The following GATA4 variants were observed in gnomAD, a reference collection of about 807,000 sequenced individuals.
GATA4 encodes the protein transcription factor GATA-4.
GATA4 carries 7 observed loss-of-function variants against 37.9 expected under a neutral mutation model. That is an observed-to-expected ratio of 0.18 (90% CI 0.11 to 0.35). The LOEUF (loss-of-function observed/expected upper bound fraction) is 0.35, where lower values mean the gene tolerates loss of function less well. Ranked by LOEUF, GATA4 falls within the 10% of genes least tolerant of loss-of-function variation. The pLI is 1.00. For missense variants in GATA4, 647 were observed against 653.0 expected, an observed-to-expected ratio of 0.99 and a Z score of 0.10; for synonymous variants, 372 against 292.6, an observed-to-expected ratio of 1.27 and a Z score of -2.77.
intron 4 of GATA4, among the ~76,000 whole-genome samples, chr8:11,753,525 G>A (rs1268578815): frequency 1.3e-5 from 2 of 151,356 alleles, no homozygotes; most frequent in East Asian, 1.9e-4. Context: ...TAAGTGAATG[G>A]AGATTAACGT....
upstream of GATA4, chr8:11,692,420 A>G: frequency 1.3e-6 from 1 of 759,210 alleles, no homozygotes; most frequent in Non-Finnish European, 1.6e-6. Flanking sequence ...TTCTCTACCT[A>G]TCTTATCTAT....
chr8:11,729,689 T>G (rs935054949), intron 2 of GATA4, among the ~76,000 whole-genome samples: 1 of 152,208 alleles, frequency 6.6e-6, no homozygotes, highest in Non-Finnish European at 1.5e-5. Flanking sequence ...AAGTGAATCA[T>G]TCCAGCTTGA....
chr8:11,708,727 G>T lies in GATA4; in HGVS notation c.415G>T (p.Ala139Ser). 1 of 1,269,816 alleles carries T rather than the reference G, an allele frequency of 7.9e-7. No homozygotes were observed. Among genetic ancestry groups the T allele is most frequent in the Non-Finnish European group, 9.9e-7 (1 of 1,014,664 alleles). The allele number at this position is 1,269,816 out of a possible 1,614,324, so 78.7% of individuals were successfully genotyped here. A position where few individuals can be genotyped will look rare whatever the true frequency, so the allele number is the denominator to read the frequency against. ...GGCCTACAGCAGTGGCGGCGGAGCG[G>T]CGGGTGCGGGCCTGGCGGGCCGCGA... ...AAAYSSGGGA[A>S]GAGLAGREQY... is the part of the protein sequence containing the mutation. Residue 139 changes from alanine (A) to serine (S), a missense_variant, in exon 2 of 7, where the codon GCG becomes TCG. Coordinates refer to ENST00000532059, the MANE Select transcript of GATA4 (RefSeq NM_001308093.3). This position sits in a 1 kb window ranked among gnomAD's most constrained non-coding sequence, Gnocchi z 6.7.
At chr8:11,726,512 CA>C (rs1800931287) in intron 2 of GATA4, among the ~76,000 whole-genome samples, 1 of 152,270 alleles carries the variant, frequency 6.6e-6, no homozygotes, top group South Asian at 2.1e-4. Context: ...GTCCCAGGGA[CA>C]GGGGGACAGG....
At chr8:11,681,811 C>T (rs957456487) in intron 1 of GATA4, among the ~76,000 whole-genome samples, 54 of 152,136 alleles carry the variant, frequency 3.5e-4, no homozygotes, top group African/African-American at 1.2e-3. Flanking sequence ...TCTTCTTTCC[C>T]GCTGTTCTTG....
intron 2 of GATA4, among the ~76,000 whole-genome samples, chr8:11,743,362 A>T (rs992808740): frequency 2.6e-5 from 4 of 152,358 alleles, no homozygotes; most frequent in African/African-American, 7.2e-5. Context: ...AGGGGCTGAG[A>T]CCCATCAACT....
At chr8:11,753,062 C>A (rs1585694010) in intron 4 of GATA4, among the ~76,000 whole-genome samples, 1 of 152,074 alleles carries the variant, frequency 6.6e-6, no homozygotes, top group Non-Finnish European at 1.5e-5. Context: ...TGGATATATA[C>A]CCAAAATAAT....
chr8:11,739,979 G>C (rs898036600), intron 2 of GATA4, among the ~76,000 whole-genome samples: 1 of 152,238 alleles, frequency 6.6e-6, no homozygotes, highest in Non-Finnish European at 1.5e-5. Context: ...TGTGCAGAGA[G>C]AGCCGACTCA....
At position 11,740,015 on chromosome 8, in the gene GATA4, G is replaced by A. The variant is rs1437708023; in HGVS notation, c.617-8901G>A. On this transcript the variant is annotated intron_variant, in intron 2 of 6. Transcript: ENST00000532059. Reference sequence around the variant, plus strand: ...ACAAGGCAGTGGACAGGGAAGCAGCGGCGGGGGCACCCTTCGCATGCAGTC... The same window carrying A: ...ACAAGGCAGTGGACAGGGAAGCAGCAGCGGGGGCACCCTTCGCATGCAGTC... 5.9e-5 allele frequency among the ~76,000 whole-genome samples: 9 copies of A among 152,190 alleles called. No individual in the cohort carries two copies. In the South Asian group the frequency reaches 8.3e-4, roughly 14 times the overall value.
intron 2 of GATA4, among the ~76,000 whole-genome samples, chr8:11,737,277 A>G (rs1039684732): frequency 1.3e-5 from 2 of 152,086 alleles, no homozygotes; most frequent in African/African-American, 2.4e-5. Flanking sequence ...GTCACATTAT[A>G]TCTCCATAAA....
intron 5 of GATA4, among the ~76,000 whole-genome samples, chr8:11,756,166 C>A (rs1015613413): frequency 6.6e-6 from 1 of 152,134 alleles, no homozygotes; most frequent in Non-Finnish European, 1.5e-5. Context: ...ATTGGCTGAT[C>A]TGACGAAAAA....
intron 2 of GATA4, among the ~76,000 whole-genome samples, chr8:11,732,975 A>C (rs1265172562): frequency 6.6e-6 from 1 of 152,124 alleles, no homozygotes; most frequent in Admixed American, 6.5e-5. Flanking sequence ...ATACCATCAC[A>C]TGTGGGTTAG....
At chr8:11,699,317 G>A (rs1240108817), upstream of GATA4, among the ~76,000 whole-genome samples, 1 of 152,200 alleles carries the variant, frequency 6.6e-6, no homozygotes, top group African/African-American at 2.4e-5. Flanking sequence ...AAACAACACT[G>A]TGACTTCAAA....
chr8:11,724,721 T>A (rs1800834842), intron 2 of GATA4, among the ~76,000 whole-genome samples: 1 of 151,540 alleles, frequency 6.6e-6, no homozygotes, highest in Admixed American at 6.6e-5. Flanking sequence ...CACAAAGAAG[T>A]GTGTGTGTGT....
chr8:11,713,470 T>TA (rs1192569855), intron 2 of GATA4, among the ~76,000 whole-genome samples: 3 of 151,880 alleles, frequency 2.0e-5, no homozygotes, highest in Non-Finnish European at 4.4e-5. Flanking sequence ...GCTGCGTGAG[T>TA]CCTTTAAGAA....
upstream of GATA4, among the ~76,000 whole-genome samples, chr8:11,687,703 T>A (rs2129960311): frequency 6.6e-6 from 1 of 152,290 alleles, no homozygotes; most frequent in Admixed American, 6.5e-5. Context: ...AACTACCAAG[T>A]GCTGCCTCCC....
chr8:11,691,707 C>G (rs1799319591), upstream of GATA4, among the ~76,000 whole-genome samples: 1 of 152,180 alleles, frequency 6.6e-6, no homozygotes, highest in African/African-American at 2.4e-5. Flanking sequence ...GACCAAGGAG[C>G]TCCCTCCAGC....
intron 2 of GATA4, among the ~76,000 whole-genome samples, chr8:11,737,425 C>T (rs1187222083): frequency 1.3e-5 from 2 of 152,258 alleles, no homozygotes; most frequent in African/African-American, 2.4e-5. Context: ...GCTGCCCTGG[C>T]AATTTATTCA....
In GATA4 at chr8:11,707,153, T is replaced by TA. The variant is rs1334411819; in HGVS notation, c.-457-702dup. 6.6e-6 allele frequency among the ~76,000 whole-genome samples: 1 copy of TA among 152,208 alleles called. No individual in the cohort carries two copies. Among genetic ancestry groups the TA allele is most frequent in the Non-Finnish European group, 1.5e-5 (1 of 68,028 alleles). On this transcript the variant is annotated intron_variant, in intron 1 of 6. Transcript: ENST00000532059. This position sits in a 1 kb window ranked among gnomAD's most constrained non-coding sequence, Gnocchi z 4.7. ...ATTCTTCTCACTTTTCTGGTTCTGA[T>TA]ATACAATTTGCAAAACGTCTAAATT...
Sources: allele counts gnomAD v4.1 joint callset (sites outside exome capture counted in the v4.1 genomes callset), GRCh38; gene constraint gnomAD v4.1.1; non-coding constraint Gnocchi (gnomAD v3.1); transcripts MANE v1.5; gene names NCBI Gene and HGNC (gene_info 2026-07-23, HGNC 2026-07-21).